Variants in DNM2 observed in about 807,000 individuals in gnomAD.
DNM2 encodes dynamin-2.
A neutral mutation model predicts 99.0 loss-of-function variants in DNM2; 15 were observed. That is an observed-to-expected ratio of 0.15 (90% CI 0.10 to 0.23). DNM2 has a LOEUF of 0.23. Among genes scored for constraint, DNM2 ranks in the 10% least tolerant of loss-of-function variants. DNM2 has a pLI of 1.00. For synonymous variants in DNM2, 525 were observed against 481.2 expected (o/e 1.09, Z -1.19); for missense variants, 742 against 1,189.4 (o/e 0.62, Z 5.53).
At chr19:10,744,156 TAA>T (rs35842666) in intron 1 of DNM2, among the ~76,000 whole-genome samples, 2 of 144,882 alleles carry the variant, frequency 1.4e-5, no homozygotes, top group Admixed American at 6.9e-5. Flanking sequence ...AGACTCCATC[TAA>T]AAAAAAAAAA....
intron 8 of DNM2, among the ~76,000 whole-genome samples, chr19:10,794,262 T>C (rs2071851854): frequency 6.6e-6 from 1 of 152,154 alleles, no homozygotes; most frequent in Admixed American, 6.6e-5. Flanking sequence ...CATGGATGTC[T>C]GTCTACAAGT....
At chr19:10,776,246 C>A (rs1433119725) in intron 4 of DNM2, among the ~76,000 whole-genome samples, 1 of 152,210 alleles carries the variant, frequency 6.6e-6, no homozygotes, top group Non-Finnish European at 1.5e-5. Flanking sequence ...AGACATGGTC[C>A]CCTCTTAGTC....
intron 5 of DNM2, 60 bp from the exon 6 acceptor site, chr19:10,782,900 C>G (rs543645725): frequency 6.2e-7 from 1 of 1,611,140 alleles, no homozygotes; most frequent in African/African-American, 1.3e-5. Flanking sequence ...TGCCCATCCC[C>G]GTGCCAGGTC....
In DNM2 at chr19:10,831,085, A is replaced by G. The variant is rs2073336716; in HGVS notation, c.*38A>G. 1 of 1,561,814 alleles carries G rather than the reference A, an allele frequency of 6.4e-7. No homozygotes were observed. Among genetic ancestry groups the G allele is most frequent in the Non-Finnish European group, 8.7e-7 (1 of 1,153,822 alleles). ...GCGTGCTCTCGGGGGGGCCTCACGCACCCGCGGCGCAGGAGCTTCAGTGGT... is the reference window on the plus strand; with the variant it reads ...GCGTGCTCTCGGGGGGGCCTCACGCGCCCGCGGCGCAGGAGCTTCAGTGGT... On this transcript the variant is annotated 3_prime_UTR_variant, in exon 21 of 21. Coordinates refer to ENST00000389253, the MANE Select transcript of DNM2 (RefSeq NM_001005361.3). This position sits in a 1 kb window ranked among gnomAD's most constrained non-coding sequence, Gnocchi z 4.3.
In DNM2 at chr19:10,830,467, C is replaced by T. The variant is rs571906529; in HGVS notation, c.2543+89C>T. On this transcript the variant is annotated intron_variant, in intron 20 of 20. Coordinates refer to ENST00000389253, the MANE Select transcript of DNM2 (RefSeq NM_001005361.3). The surrounding 1 kb of genome is among the most constrained non-coding windows in gnomAD (Gnocchi z 4.8). ...ACTTCCTCCCAGTGAGCTCTCACTA[C>T]GTGCCCAGCTGCTGGAGTGGAGGAA... 2.2e-4 allele frequency: 318 copies of T among 1,420,472 alleles called. 3 individuals carry two copies. The highest frequency in any genetic ancestry group is 1.7e-3 in the Admixed American group (91 of 54,394). The allele number at this position is 1,420,472 out of a possible 1,614,324, so 88.0% of individuals were successfully genotyped here.
At chr19:10,826,847 A>G (rs1354686072) in intron 18 of DNM2, among the ~76,000 whole-genome samples, 1 of 152,182 alleles carries the variant, frequency 6.6e-6, no homozygotes, top group Non-Finnish European at 1.5e-5. Flanking sequence ...TGATTACGCC[A>G]CTGCTCTCCA....
intron 9 of DNM2, among the ~76,000 whole-genome samples, 182 bp from the exon 10 acceptor site, chr19:10,797,198 C>T (rs2071965580): frequency 6.6e-6 from 1 of 152,020 alleles, no homozygotes. Context: ...CCCACACCCC[C>T]AAACCCCAGA....
chr19:10,732,112 A>G (rs2069344397), intron 1 of DNM2, among the ~76,000 whole-genome samples: 1 of 150,746 alleles, frequency 6.6e-6, no homozygotes, highest in South Asian at 2.1e-4. Flanking sequence ...GCACCATCAC[A>G]CCCGGCTAAT....
At chr19:10,815,212 G>A (rs931517644) in intron 15 of DNM2, among the ~76,000 whole-genome samples, 1 of 152,182 alleles carries the variant, frequency 6.6e-6, no homozygotes, top group African/African-American at 2.4e-5. Context: ...GTTTAAAATG[G>A]CTGCCCCATA....
At chr19:10,777,334 C>T (rs1357794929) in intron 5 of DNM2, 118 bp downstream of exon 5, 6 of 935,066 alleles carry the variant, frequency 6.4e-6, no homozygotes, top group Non-Finnish European at 8.4e-6. Flanking sequence ...TTCACCGTAA[C>T]TCCTTCTTTC....
At position 10,741,551 on chromosome 19, in the gene DNM2, CT is replaced by C. The variant is rs561257287; in HGVS notation, c.162-18171del. On this transcript the variant is annotated intron_variant, in intron 1 of 20. Coordinates refer to ENST00000389253, the MANE Select transcript of DNM2 (RefSeq NM_001005361.3). ...GCCCCAAATTGGCCAATATTTCTTT[CT>C]TTTTTTTTTTTTTTTGAGACAGAGT... is the stretch of plus-strand genomic sequence containing the variant. 2.5e-3 allele frequency among the ~76,000 whole-genome samples: 332 copies of C among 134,982 alleles called. 1 individual carries two copies. The highest frequency in any genetic ancestry group is 8.0e-3 in the Middle Eastern group (2 of 250). 88.6% of individuals were successfully genotyped at this position (134,982 alleles called of 152,430 possible).
chr19:10,822,849 G>A (rs1035222876), intron 16 of DNM2, among the ~76,000 whole-genome samples: 30 of 149,684 alleles, frequency 2.0e-4, no homozygotes, highest in Admixed American at 2.7e-4. Context: ...GCTCACGCCT[G>A]TAATCCCAGC....
chr19:10,744,240 G>C (rs955040294), intron 1 of DNM2, among the ~76,000 whole-genome samples: 4 of 152,178 alleles, frequency 2.6e-5, no homozygotes, highest in African/African-American at 9.6e-5. Context: ...AGGGAGCCTG[G>C]GGGAGGCTTT....
rs780738840 is a variant in DNM2, at chr19:10,830,207, C to A, written c.2372C>A (p.Pro791His). Residue 791 changes from proline (P) to histidine (H), a missense_variant, in exon 20 of 21, where the codon CCC (proline) becomes CAC (histidine). Around this residue, in one of 7 missense-constraint regions of DNM2, gnomAD observed 187 missense variants for 218.8 expected, o/e 0.85. Transcript: ENST00000389253. The surrounding 1 kb of genome is among the most constrained non-coding windows in gnomAD (Gnocchi z 4.8). ...PPAVRGPTPGPPLIPVPVGAA... is the reference protein window; with the variant it reads ...PPAVRGPTPGHPLIPVPVGAA... ...GCAGTGAGGGGCCCCACTCCAGGGC[C>A]CCCCCTGATTCCTGTTCCCGTGGGG... 6 of 1,613,860 alleles carry A rather than the reference C, an allele frequency of 3.7e-6. No individual in the cohort carries two copies. Among genetic ancestry groups the A allele is most frequent in the Non-Finnish European group, 5.1e-6 (6 of 1,179,848 alleles).
chr19:10,754,789 G>A (rs1472750160), intron 1 of DNM2, among the ~76,000 whole-genome samples: 4 of 151,590 alleles, frequency 2.6e-5, no homozygotes, highest in South Asian at 2.1e-4. Context: ...ACAGGGGCTC[G>A]TTATGTTGCC....
chr19:10,799,531 TTTG>T (rs573307778), intron 11 of DNM2, among the ~76,000 whole-genome samples: 7,516 of 141,734 alleles, frequency 0.053, 289 homozygotes, highest in East Asian at 0.14. Context: ...GTTGTGGTTT[TTTG>T]TTTTTTTTTT....
In DNM2 at chr19:10,820,156, C is replaced by T. The variant is rs1042137144; in HGVS notation, c.1781+67C>T. The T allele has an allele frequency of 6.7e-7, 1 of 1,487,114 alleles. No individual in the cohort carries two copies. Among genetic ancestry groups the T allele is most frequent in the Non-Finnish European group, 9.4e-7 (1 of 1,067,618 alleles). 92.1% of individuals were successfully genotyped at this position (1,487,114 alleles called of 1,614,324 possible). The stretch of plus-strand genomic sequence containing the variant: ...CAATGGCCTCATTCACACTCCACAA[C>T]CTTCACTGAGCACTGAGCACCTGGC... On this transcript the variant is annotated intron_variant, in intron 16 of 20. Transcript: ENST00000389253. The surrounding 1 kb of genome is among the most constrained non-coding windows in gnomAD (Gnocchi z 4.3).
At chr19:10,736,069 C>A (rs759699178) in intron 1 of DNM2, among the ~76,000 whole-genome samples, 24 of 151,922 alleles carry the variant, frequency 1.6e-4, no homozygotes, top group Non-Finnish European at 2.5e-4. Context: ...TTGAAACTGG[C>A]CTGGCCAACA....
At chr19:10,807,972 G>A (rs1396750196) in intron 13 of DNM2, among the ~76,000 whole-genome samples, 3 of 151,110 alleles carry the variant, frequency 2.0e-5, no homozygotes, top group Non-Finnish European at 3.0e-5. Context: ...GTGAAACCCC[G>A]TCTCTACTAA....
Sources: allele counts gnomAD v4.1 joint callset (sites outside exome capture counted in the v4.1 genomes callset), GRCh38; gene constraint gnomAD v4.1.1; regional missense constraint gnomAD v4.1.1; non-coding constraint Gnocchi (gnomAD v3.1); transcripts MANE v1.5; gene names NCBI Gene and HGNC (gene_info 2026-07-23, HGNC 2026-07-21).